The following HECW2 variants were observed in gnomAD, a reference collection of about 807,000 sequenced individuals.
HECW2 encodes the protein E3 ubiquitin-protein ligase HECW2.
A neutral mutation model predicts 175.2 loss-of-function variants in HECW2; 61 were observed. That is an observed-to-expected ratio of 0.35 (90% CI 0.28 to 0.43). The LOEUF is 0.43. Ranked by LOEUF, HECW2 falls within the 20% of genes least tolerant of loss-of-function variation. The pLI is 1.00. For synonymous variants in HECW2, 671 were observed against 731.0 expected, an observed-to-expected ratio of 0.92 and a Z score of 1.32; for missense variants, 1,524 against 2,000.5, an observed-to-expected ratio of 0.76 and a Z score of 4.54.
At chr2:196,214,698 C>A (rs887657887) in intron 28 of HECW2, among the ~76,000 whole-genome samples, 7 of 152,168 alleles carry the variant, frequency 4.6e-5, no homozygotes, top group Non-Finnish European at 8.8e-5. Flanking sequence ...TCAGGCAAAC[C>A]CTTGAGCAGT....
At chr2:196,204,400 T>A (rs1201883068) in intron 28 of HECW2, among the ~76,000 whole-genome samples, 1 of 152,202 alleles carries the variant, frequency 6.6e-6, no homozygotes, top group Non-Finnish European at 1.5e-5. Flanking sequence ...CATTCACCTT[T>A]TAAAGCCTTA....
chr2:196,269,672 A>T (rs1426021235), intron 17 of HECW2, among the ~76,000 whole-genome samples: 1 of 152,146 alleles, frequency 6.6e-6, no homozygotes, highest in African/African-American at 2.4e-5. Flanking sequence ...GTTGGATAAG[A>T]TCCCTATTTG....
At chr2:196,494,316 T>C (rs1053559670) in intron 1 of HECW2, among the ~76,000 whole-genome samples, 15 of 152,204 alleles carry the variant, frequency 9.9e-5, no homozygotes, top group African/African-American at 2.4e-5. Flanking sequence ...CAAAGTGATA[T>C]GACCAGACCA....
chr2:196,307,284 C>G (rs748020428), intron 11 of HECW2, 51 bp from the exon 12 acceptor site: 1 of 1,214,642 alleles, frequency 8.2e-7, no homozygotes, highest in Non-Finnish European at 1.2e-6. Flanking sequence ...AGAGATGGGA[C>G]TCAACTGCTC....
At chr2:196,522,017 C>T (rs1234266613) in intron 1 of HECW2, among the ~76,000 whole-genome samples, 3 of 152,130 alleles carry the variant, frequency 2.0e-5, no homozygotes, top group Non-Finnish European at 4.4e-5. Context: ...ATGGCTGGGT[C>T]AAATGGTATT....
Position 196,212,845 on chromosome 2 carries a change from T to C in HECW2, c.4607+3020A>G, listed in dbSNP as rs116890907. 0.01 allele frequency among the ~76,000 whole-genome samples: 1,565 copies of C among 152,334 alleles called. 66 individuals are homozygous for C. The East Asian group carries it at 0.15, about 14-fold the overall frequency. On this transcript the variant is annotated intron_variant, in intron 28 of 28. Transcript: ENST00000644978. ...TAAGCATTCCCTTTTCTCTGCAACC[T>C]TACCAGCATCTGTTATTTTTTTGTA...
In HECW2 at chr2:196,314,107, G is replaced by A. The variant is rs998944891; in HGVS notation, c.2434+3167C>T. Among the ~76,000 whole-genome samples, 4 of 152,136 alleles carry A rather than the reference G, an allele frequency of 2.6e-5. No individual in the cohort carries two copies. The East Asian group carries it at 7.7e-4, about 29-fold the overall frequency. On this transcript the variant is annotated intron_variant, in intron 10 of 28. Coordinates refer to ENST00000644978, the MANE Select transcript of HECW2 (RefSeq NM_001348768.2). ...AGAGTGACCTGCACAGAGAGGAAAG[G>A]TGCTGCTGGGTCTAATACAGATGCT...
rs1160625775 is a variant in HECW2 at position 196,575,132 on chromosome 2, C to CA, written c.-36+18375dup. Reference sequence around the variant, plus strand: ...GCAAAGATCCCGAACAGACATTTTGCAAAAAAAAAAATACAATTGGCCAAC... The same window carrying CA: ...GCAAAGATCCCGAACAGACATTTTGCAAAAAAAAAAAATACAATTGGCCAAC... On this transcript the variant is annotated intron_variant, in intron 1 of 28. Transcript: ENST00000644978. Among the ~76,000 whole-genome samples, 712 of 103,080 alleles carry CA rather than the reference C, an allele frequency of 6.9e-3. 5 individuals carry two copies. Among genetic ancestry groups the CA allele is most frequent in the African/African-American group, 0.022 (588 of 27,060 alleles). 67.6% of individuals were successfully genotyped at this position (103,080 alleles called of 152,430 possible). A position where few individuals can be genotyped will look rare whatever the true frequency, so the allele number is the denominator to read the frequency against.
At chr2:196,544,362 A>G (rs1689332179) in intron 1 of HECW2, among the ~76,000 whole-genome samples, 1 of 152,148 alleles carries the variant, frequency 6.6e-6, no homozygotes, top group Non-Finnish European at 1.5e-5. Flanking sequence ...TTTGTCCTTG[A>G]GCTAAGAAAC....
chr2:196,515,935 C>A (rs1395700259), intron 1 of HECW2, among the ~76,000 whole-genome samples: 1 of 149,774 alleles, frequency 6.7e-6, no homozygotes, highest in Non-Finnish European at 1.5e-5. Context: ...ACCAGGCTAG[C>A]CAACAGGGCG....
At chr2:196,452,957 C>A (rs1207412510) in intron 1 of HECW2, among the ~76,000 whole-genome samples, 9 of 152,108 alleles carry the variant, frequency 5.9e-5, no homozygotes, top group Non-Finnish European at 1.3e-4. Flanking sequence ...TCTGTAAGAA[C>A]CAGTGAGACT....
At chr2:196,328,523 C>T (rs1228815143) in intron 5 of HECW2, among the ~76,000 whole-genome samples, 1 of 152,172 alleles carries the variant, frequency 6.6e-6, no homozygotes, top group African/African-American at 2.4e-5. Flanking sequence ...GATGTGTACA[C>T]TTTAGTCATA....
At chr2:196,587,811 A>G (rs1232554679) in intron 1 of HECW2, among the ~76,000 whole-genome samples, 1 of 152,204 alleles carries the variant, frequency 6.6e-6, no homozygotes, top group Admixed American at 6.5e-5. Context: ...TGCTGAAATC[A>G]TAATTAAATG....
chr2:196,249,935 G>A (rs1053077072), intron 19 of HECW2, among the ~76,000 whole-genome samples: 2 of 152,214 alleles, frequency 1.3e-5, no homozygotes, highest in Non-Finnish European at 2.9e-5. Context: ...CTAAATGTAA[G>A]TTTCTAGAAT....
chr2:196,261,520 G>C (rs999139569), intron 17 of HECW2, among the ~76,000 whole-genome samples: 1 of 152,088 alleles, frequency 6.6e-6, no homozygotes, highest in Non-Finnish European at 1.5e-5. Flanking sequence ...GAAAAATGAT[G>C]ACTGATAATT....
At chr2:196,583,621 A>C (rs1237410015) in intron 1 of HECW2, among the ~76,000 whole-genome samples, 1 of 152,234 alleles carries the variant, frequency 6.6e-6, no homozygotes, top group African/African-American at 2.4e-5. Flanking sequence ...TATCTGAATG[A>C]ACTAGGCCTC....
chr2:196,509,918 T>C (rs991989451), intron 1 of HECW2, among the ~76,000 whole-genome samples: 3 of 152,216 alleles, frequency 2.0e-5, no homozygotes, highest in Non-Finnish European at 4.4e-5. Flanking sequence ...ATACAATCGC[T>C]TGCTCTGAGA....
chr2:196,364,749 A>T (rs1264636304), intron 2 of HECW2, among the ~76,000 whole-genome samples: 3 of 152,246 alleles, frequency 2.0e-5, no homozygotes, highest in Non-Finnish European at 4.4e-5. Flanking sequence ...ACATTAAATA[A>T]ATATAAAATG....
At position 196,382,471 on chromosome 2, in the gene HECW2, CA is replaced by C. The variant is rs199858698; in HGVS notation, c.293-38708del. On this transcript the variant is annotated intron_variant, in intron 2 of 28. Transcript: ENST00000644978. ...AAGGCCTCTGGTTATTCACATAGGG[CA>C]AAAAAAAAACATGTAATAACATTAT... 1.6e-3 allele frequency among the ~76,000 whole-genome samples: 230 copies of C among 139,554 alleles called. 2 individuals are homozygous for C. The East Asian group carries it at 0.017, about 10-fold the overall frequency. 91.6% of individuals were successfully genotyped at this position (139,554 alleles called of 152,430 possible).
Sources: allele counts gnomAD v4.1 joint callset (sites outside exome capture counted in the v4.1 genomes callset), GRCh38; gene constraint gnomAD v4.1.1; transcripts MANE v1.5; gene names NCBI Gene and HGNC (gene_info 2026-07-23, HGNC 2026-07-21).